ARNT2: variants seen among roughly 807,000 people sequenced by gnomAD.
ARNT2 encodes the protein aryl hydrocarbon receptor nuclear translocator 2.
In ARNT2, 36 loss-of-function variants were observed where a neutral mutation model predicts 91.7. The observed-to-expected ratio is 0.39, with a 90% CI of 0.30 to 0.52. ARNT2 has a LOEUF of 0.52. Ranked by LOEUF, ARNT2 falls within the 20% of genes least tolerant of loss-of-function variation. ARNT2 has a pLI of 0.72. For missense variants in ARNT2, 775 were observed against 939.3 expected, an observed-to-expected ratio of 0.83 and a Z score of 2.29; for synonymous variants, 365 against 347.1, an observed-to-expected ratio of 1.05 and a Z score of -0.57.
chr15:80,575,034 C>A lies in ARNT2; in HGVS notation c.1437C>A (p.Ser479=). The change falls in exon 14 of 19, where the codon TCC becomes TCA. Residue 479 remains serine, a synonymous_variant. Transcript: ENST00000303329. ...CCGGTGTTCATGAGGCCGGGAAGTCCGTGGAAAAGGCGGATGCAATCTTCT... is the reference window on the plus strand; with the variant it reads ...CCGGTGTTCATGAGGCCGGGAAGTCAGTGGAAAAGGCGGATGCAATCTTCT... ...LPAGVHEAGK[S]VEKADAIFSQ... The A allele has an allele frequency of 1.9e-6, 3 of 1,614,160 alleles. No individual in the cohort carries two copies. Among genetic ancestry groups the A allele is most frequent in the Non-Finnish European group, 2.5e-6 (3 of 1,180,026 alleles).
intron 2 of ARNT2, among the ~76,000 whole-genome samples, chr15:80,455,045 A>G (rs1050822298): frequency 6.6e-6 from 1 of 152,202 alleles, no homozygotes; most frequent in Non-Finnish European, 1.5e-5. Flanking sequence ...AGAGACACAT[A>G]CAAGATATAA....
At chr15:80,524,450 TTAA>T (rs1345194947) in intron 8 of ARNT2, among the ~76,000 whole-genome samples, 1 of 152,202 alleles carries the variant, frequency 6.6e-6, no homozygotes, top group African/African-American at 2.4e-5. Flanking sequence ...TGTTGAAGCA[TTAA>T]TAATAATTGT....
intron 12 of ARNT2, among the ~76,000 whole-genome samples, chr15:80,565,241 A>G (rs1044416805): frequency 1.1e-4 from 17 of 152,092 alleles, no homozygotes; most frequent in Non-Finnish European, 1.6e-4. Context: ...TTCTTTATTC[A>G]GCCCACCGTT....
chr15:80,565,958 C>T (rs943335660), intron 12 of ARNT2, among the ~76,000 whole-genome samples: 6 of 152,192 alleles, frequency 3.9e-5, no homozygotes, highest in African/African-American at 1.4e-4. Flanking sequence ...CCTACTCTTT[C>T]TAAGCCTCGG....
At position 80,523,883 on chromosome 15, in the gene ARNT2, G is replaced by A. The variant is rs149591215; in HGVS notation, c.877+9478G>A. 1.6e-3 allele frequency among the ~76,000 whole-genome samples: 237 copies of A among 152,300 alleles called. 1 individual carries two copies. The East Asian group carries it at 0.019, about 12-fold the overall frequency. On this transcript the variant is annotated intron_variant, in intron 8 of 18. Transcript: ENST00000303329. ...GACTATTATGCATTAAGTCTGCAACGATGGCCCTTGAAACTTTGCCGCATG... is the reference window on the plus strand; with the variant it reads ...GACTATTATGCATTAAGTCTGCAACAATGGCCCTTGAAACTTTGCCGCATG...
In ARNT2 at chr15:80,581,286, T is replaced by C; in HGVS notation, c.1800T>C (p.Ile600=). 1.2e-6 allele frequency: 2 copies of C among 1,614,196 alleles called. No homozygotes were observed. Residue 600 remains isoleucine, a synonymous_variant, in exon 17 of 19, where the codon ATT becomes ATC. Transcript: ENST00000303329. ...AGACTCAGTCATCTCCCTTTGGGAT[T>C]GGAACGAGCCACACCTACCCGGCAG... The part of the protein sequence containing the change: ...SSKTQSSPFG[I]GTSHTYPADP...
chr15:80,485,916 C>T (rs1595982798), intron 5 of ARNT2, among the ~76,000 whole-genome samples: 1 of 152,142 alleles, frequency 6.6e-6, no homozygotes, highest in Non-Finnish European at 1.5e-5. Context: ...CCTCTGGCTG[C>T]CGTAGTACAT....
At chr15:80,480,024 G>T (rs897653725) in intron 5 of ARNT2, among the ~76,000 whole-genome samples, 37 of 152,146 alleles carry the variant, frequency 2.4e-4, no homozygotes, top group African/African-American at 8.4e-4. Context: ...CTCCTTATGG[G>T]GAAGGACGAG....
Position 80,517,418 on chromosome 15 carries a change from C to A in ARNT2, c.877+3013C>A, listed in dbSNP as rs1056739706. Among the ~76,000 whole-genome samples, 15 of 152,112 alleles carry A rather than the reference C, an allele frequency of 9.9e-5. 2 individuals are homozygous for A. Among genetic ancestry groups the A allele is most frequent in the Admixed American group, 2.0e-4 (3 of 15,268 alleles). On this transcript the variant is annotated intron_variant, in intron 8 of 18. Transcript: ENST00000303329. ...CTCCTTCAGTTTGAATATAACATGC[C>A]TAAATATAGAGGGGTTTGTTTGTTT...
intron 18 of ARNT2, among the ~76,000 whole-genome samples, chr15:80,592,196 T>C (rs1354478344): frequency 6.6e-6 from 1 of 152,170 alleles, no homozygotes; most frequent in Non-Finnish European, 1.5e-5. Context: ...CGATTGAGGA[T>C]ACCTGGGCAC....
At chr15:80,585,350 C>T (rs1040751065) in intron 17 of ARNT2, among the ~76,000 whole-genome samples, 1 of 152,116 alleles carries the variant, frequency 6.6e-6, no homozygotes, top group African/African-American at 2.4e-5. Context: ...AGGGCCCAGT[C>T]AGGAGACAGA....
At chr15:80,572,155 C>T (rs1182493085) in intron 12 of ARNT2, among the ~76,000 whole-genome samples, 1 of 151,856 alleles carries the variant, frequency 6.6e-6, no homozygotes, top group African/African-American at 2.4e-5. Flanking sequence ...TCCAAGGTGA[C>T]TGTGAGCCTA....
At chr15:80,446,322 G>A (rs1254913864) in intron 1 of ARNT2, among the ~76,000 whole-genome samples, 3 of 152,256 alleles carry the variant, frequency 2.0e-5, no homozygotes, top group African/African-American at 4.8e-5. Context: ...TACAATAACC[G>A]TGTGATGTAA....
At chr15:80,468,334 G>A (rs1896686917) in intron 3 of ARNT2, among the ~76,000 whole-genome samples, 1 of 151,674 alleles carries the variant, frequency 6.6e-6, no homozygotes, top group Non-Finnish European at 1.5e-5. Flanking sequence ...AGCCACAGAG[G>A]CAGAGAGCAT....
At chr15:80,432,487 G>T (rs1430332835) in intron 1 of ARNT2, among the ~76,000 whole-genome samples, 1 of 152,214 alleles carries the variant, frequency 6.6e-6, no homozygotes, top group African/African-American at 2.4e-5. Flanking sequence ...CAGTGCTCAT[G>T]CATTGAAACA....
chr15:80,417,280 G>A (rs1468274174), intron 1 of ARNT2, among the ~76,000 whole-genome samples: 1 of 152,086 alleles, frequency 6.6e-6, no homozygotes, highest in Admixed American at 6.5e-5. Flanking sequence ...CCCGTTTTTG[G>A]TTGCTGGTGC....
At chr15:80,454,619 T>A (rs547715171) in intron 2 of ARNT2, among the ~76,000 whole-genome samples, 18 of 152,352 alleles carry the variant, frequency 1.2e-4, no homozygotes, top group African/African-American at 3.8e-4. Context: ...GTCCAGGCTC[T>A]GAAGGAGGAG....
chr15:80,439,770 A>G (rs1188063923), intron 1 of ARNT2, among the ~76,000 whole-genome samples: 5 of 152,152 alleles, frequency 3.3e-5, no homozygotes, highest in African/African-American at 9.7e-5. Context: ...GTCATTGAGA[A>G]CTGGCCTCTT....
At chr15:80,410,557 C>T (rs1014455046) in intron 1 of ARNT2, among the ~76,000 whole-genome samples, 3 of 152,136 alleles carry the variant, frequency 2.0e-5, no homozygotes, top group African/African-American at 7.2e-5. Flanking sequence ...TGTTGGCCAG[C>T]CATTTACCAG....
Sources: allele counts gnomAD v4.1 joint callset (sites outside exome capture counted in the v4.1 genomes callset), GRCh38; gene constraint gnomAD v4.1.1; transcripts MANE v1.5; gene names NCBI Gene and HGNC (gene_info 2026-07-23, HGNC 2026-07-21).